Variants in DCAF6 observed in about 807,000 individuals in gnomAD.
DCAF6 encodes the protein DDB1 and CUL4 associated factor 6.
In DCAF6, 54 loss-of-function variants were observed where a neutral mutation model predicts 125.1. The observed-to-expected ratio is 0.43, with a 90% CI of 0.35 to 0.54. The LOEUF is 0.54. DCAF6 is among the 20% of genes least tolerant of loss of function. DCAF6 has a pLI of 0.01. For synonymous variants in DCAF6, 371 were observed against 390.4 expected, an observed-to-expected ratio of 0.95 and a Z score of 0.58; for missense variants, 934 against 1,161.7, an observed-to-expected ratio of 0.80 and a Z score of 2.85.
In DCAF6 at chr1:168,002,497, G is replaced by T; in HGVS notation, c.919G>T (p.Val307Phe). 2 of 1,612,932 alleles carry T rather than the reference G, an allele frequency of 1.2e-6. No individual in the cohort carries two copies. Among genetic ancestry groups the T allele is most frequent in the Non-Finnish European group, 1.7e-6 (2 of 1,179,150 alleles). Residue 307 changes from valine (V) to phenylalanine (F), a missense_variant, in exon 8 of 22, where the codon GTT becomes TTT. This residue lies in a region of DCAF6 where 309 missense variants were observed against 381.2 expected (regional missense o/e 0.81). Transcript: ENST00000367840. ...ERREELRQPP[V>F]KRLRLRGDWS... ...TATTTTTTAGTTGCGACAACCACCA[G>T]TTAAGCGTTTGAGACTTCGTGGTGA...
chr1:167,976,975 C>T (rs746724506), intron 4 of DCAF6, among the ~76,000 whole-genome samples: 47 of 133,370 alleles, frequency 3.5e-4, no homozygotes, highest in Non-Finnish European at 5.1e-4. Flanking sequence ...ATGATCTTGG[C>T]TCACCACAAC....
At chr1:167,916,776 A>G in the DCAF6 span, 1 of 150,258 alleles carries the variant, frequency 6.7e-6, no homozygotes, top group East Asian at 1.9e-4. Flanking sequence ...CATATTTCAT[A>G]ATGTTTTTCC....
At position 168,041,894 on chromosome 1, in the gene DCAF6, G is replaced by GCACA. The variant is rs869267755; in HGVS notation, c.1728-1094_1728-1091dup. Among the ~76,000 whole-genome samples the GCACA allele has an allele frequency of 7.6e-3, 416 of 54,438 alleles. 3 individuals carry two copies. The highest frequency in any genetic ancestry group is 0.034 in the African/African-American group (394 of 11,620). The allele number at this position is 54,438 out of a possible 152,430, so 35.7% of individuals were successfully genotyped here. ...TTTAAAAGAAATACATGTTTGTCGC[G>GCACA]CACACACACACACACACACACACAC... is the stretch of plus-strand genomic sequence containing the variant. On this transcript the variant is annotated intron_variant, in intron 13 of 21. Transcript: ENST00000367840.
chr1:167,910,236 C>G, the DCAF6 span, among the ~76,000 whole-genome samples: 2 of 152,134 alleles, frequency 1.3e-5, no homozygotes, highest in Non-Finnish European at 2.9e-5. Flanking sequence ...AGATTAAGCA[C>G]CTTTTCATAT....
chr1:167,879,946 A>C, the DCAF6 span, among the ~76,000 whole-genome samples: 8 of 152,202 alleles, frequency 5.3e-5, no homozygotes, highest in African/African-American at 1.9e-4. Context: ...CCAGAAATGC[A>C]CACTCTGCAA....
chr1:167,923,493 G>A, the DCAF6 span, among the ~76,000 whole-genome samples: 1 of 152,154 alleles, frequency 6.6e-6, no homozygotes, highest in East Asian at 1.9e-4. Context: ...ACTTAGAGTA[G>A]TGAAATTCAT....
intron 17 of DCAF6, among the ~76,000 whole-genome samples, chr1:168,053,916 C>T (rs1690270351): frequency 6.6e-6 from 1 of 152,122 alleles, no homozygotes. Flanking sequence ...ATAAGCAGAC[C>T]CTTCTAAAGA....
intron 7 of DCAF6, among the ~76,000 whole-genome samples, chr1:167,994,655 A>C (rs1681386164): frequency 6.6e-6 from 1 of 152,208 alleles, no homozygotes; most frequent in South Asian, 2.1e-4. Context: ...AGTAGAAATA[A>C]GGTATCTTTG....
At chr1:168,061,614 A>G (rs2101941452) in intron 17 of DCAF6, among the ~76,000 whole-genome samples, 1 of 152,284 alleles carries the variant, frequency 6.6e-6, no homozygotes, top group Non-Finnish European at 1.5e-5. Flanking sequence ...CTATATGAAC[A>G]TTTAGATTAT....
At chr1:168,029,781 C>T (rs1186208395) in intron 12 of DCAF6, among the ~76,000 whole-genome samples, 1 of 151,966 alleles carries the variant, frequency 6.6e-6, no homozygotes, top group African/African-American at 2.4e-5. Flanking sequence ...GAGATCGAGG[C>T]CATCCTGGCT....
the DCAF6 span, among the ~76,000 whole-genome samples, chr1:167,891,573 A>G: frequency 2.7e-5 from 4 of 150,924 alleles, no homozygotes; most frequent in African/African-American, 7.3e-5. Flanking sequence ...GGAGAATGGC[A>G]TGAACCCGGG....
chr1:168,041,815 T>C (rs945745498), intron 13 of DCAF6, among the ~76,000 whole-genome samples: 2 of 151,660 alleles, frequency 1.3e-5, no homozygotes, highest in African/African-American at 2.4e-5. Context: ...AAAATAAATA[T>C]ATATATACCA....
intron 7 of DCAF6, among the ~76,000 whole-genome samples, chr1:168,000,607 C>T (rs917028991): frequency 3.3e-5 from 5 of 152,030 alleles, no homozygotes; most frequent in South Asian, 2.1e-4. Context: ...TAAGTTTGTT[C>T]GTCAACCAAT....
chr1:167,918,596 T>TC, the DCAF6 span, among the ~76,000 whole-genome samples: 2 of 89,702 alleles, frequency 2.2e-5, no homozygotes, highest in Non-Finnish European at 5.2e-5. Flanking sequence ...GCCAAAAACT[T>TC]TTTTTTTTTT....
chr1:167,899,347 G>T, the DCAF6 span: 2 of 1,423,122 alleles, frequency 1.4e-6, no homozygotes, highest in Non-Finnish European at 9.9e-7. Flanking sequence ...AAACCAGCGT[G>T]CCCAGTGACT....
At chr1:167,988,853 G>A (rs1282308342) in intron 5 of DCAF6, among the ~76,000 whole-genome samples, 2 of 152,116 alleles carry the variant, frequency 1.3e-5, no homozygotes, top group East Asian at 1.9e-4. Context: ...GGCCGAGGCA[G>A]GTGGATCACA....
chr1:167,876,109 T>TA, the DCAF6 span, among the ~76,000 whole-genome samples: 1 of 152,142 alleles, frequency 6.6e-6, no homozygotes, highest in African/African-American at 2.4e-5. Context: ...ATACAAAAAT[T>TA]AGCTGGGCGT....
chr1:167,933,069 C>A (rs1041526597), upstream of DCAF6, among the ~76,000 whole-genome samples: 5 of 151,952 alleles, frequency 3.3e-5, no homozygotes, highest in African/African-American at 4.8e-5. Context: ...CCAGCAAAAA[C>A]ACATAGGCAA....
chr1:167,932,798 G>A (rs1361083578), upstream of DCAF6, among the ~76,000 whole-genome samples: 5 of 121,022 alleles, frequency 4.1e-5, no homozygotes, highest in Non-Finnish European at 6.4e-5. Context: ...AACAGAGCAA[G>A]ACTCTGTCTC....
Sources: allele counts gnomAD v4.1 joint callset (sites outside exome capture counted in the v4.1 genomes callset), GRCh38; gene constraint gnomAD v4.1.1; regional missense constraint gnomAD v4.1.1; transcripts MANE v1.5; gene names NCBI Gene and HGNC (gene_info 2026-07-23, HGNC 2026-07-21).